ZFHX3: variants seen among roughly 807,000 people sequenced by gnomAD.
ZFHX3 encodes the protein zinc finger homeobox 3, also known as zinc finger homeobox protein 3.
A neutral mutation model predicts 279.1 loss-of-function variants in ZFHX3; 42 were observed. The ratio of observed to expected loss-of-function variants is 0.15; its 90% CI spans 0.12 to 0.19. ZFHX3 has a LOEUF of 0.19. Among genes scored for constraint, ZFHX3 ranks in the 10% least tolerant of loss-of-function variants. The pLI is 1.00. For missense variants in ZFHX3, 4,981 were observed against 4,754.0 expected, an observed-to-expected ratio of 1.05 and a Z score of -1.40; for synonymous variants, 2,293 against 1,957.8, an observed-to-expected ratio of 1.17 and a Z score of -4.52.
At chr16:73,514,215 C>G (rs891257910) in intron 2 of ZFHX3, among the ~76,000 whole-genome samples, 2 of 151,682 alleles carry the variant, frequency 1.3e-5, no homozygotes, top group African/African-American at 4.8e-5. Flanking sequence ...GCCCCTGCAC[C>G]CCAGCCTGGG....
chr16:73,685,234 T>C (rs973576543), intron 1 of ZFHX3, among the ~76,000 whole-genome samples: 1 of 151,654 alleles, frequency 6.6e-6, no homozygotes, highest in African/African-American at 2.4e-5. Flanking sequence ...GCCCAGATGG[T>C]CTTGATCTCC....
At chr16:73,180,810 G>C (rs565243785) in intron 5 of ZFHX3, among the ~76,000 whole-genome samples, 1 of 149,356 alleles carries the variant, frequency 6.7e-6, no homozygotes, top group African/African-American at 2.5e-5. Context: ...TTACAGGTGC[G>C]CACCACCACA....
intron 9 of ZFHX3, among the ~76,000 whole-genome samples, chr16:72,792,192 TTAAG>T (rs1299168321): frequency 3.9e-5 from 6 of 152,040 alleles, no homozygotes; most frequent in African/African-American, 1.4e-4. Context: ...AAACTCCCTA[TTAAG>T]TGAGACTATA....
intron 7 of ZFHX3, among the ~76,000 whole-genome samples, chr16:73,128,336 C>CA (rs547479690): frequency 3.5e-3 from 538 of 152,312 alleles, no homozygotes; most frequent in Non-Finnish European, 6.5e-3. Flanking sequence ...CAGGTGCAGG[C>CA]ACGGCAAAAG....
chr16:72,989,942 A>G (rs569019755), intron 1 of ZFHX3, among the ~76,000 whole-genome samples: 4 of 152,348 alleles, frequency 2.6e-5, no homozygotes, highest in African/African-American at 9.6e-5. Flanking sequence ...CCTCTGGCTC[A>G]GGAAAAGAGA....
intron 3 of ZFHX3, among the ~76,000 whole-genome samples, chr16:73,432,412 T>C (rs899438921): frequency 2.6e-5 from 4 of 152,136 alleles, no homozygotes; most frequent in African/African-American, 9.7e-5. Context: ...GGAGTGAGAC[T>C]CTTTGACAAA....
chr16:73,217,994 G>A, intron 5 of ZFHX3, among the ~76,000 whole-genome samples: 1 of 152,126 alleles, frequency 6.6e-6, no homozygotes, highest in East Asian at 1.9e-4. Flanking sequence ...CATTTCTAGA[G>A]TATAGAAGCT....
At chr16:73,007,120 G>A (rs894348222) in intron 1 of ZFHX3, among the ~76,000 whole-genome samples, 14 of 152,176 alleles carry the variant, frequency 9.2e-5, no homozygotes, top group African/African-American at 3.4e-4. Flanking sequence ...AAGACATTCT[G>A]ATATTAAGCC....
intron 1 of ZFHX3, among the ~76,000 whole-genome samples, chr16:72,987,098 G>C (rs1042601486): frequency 1.6e-4 from 24 of 152,290 alleles, no homozygotes; most frequent in African/African-American, 4.8e-4. Flanking sequence ...GCTGCAGTGA[G>C]TTGTGGGAGC....
intron 5 of ZFHX3, among the ~76,000 whole-genome samples, chr16:73,231,106 G>A (rs2012758291): frequency 6.6e-6 from 1 of 152,168 alleles, no homozygotes; most frequent in Non-Finnish European, 1.5e-5. Context: ...GACTGGGAGC[G>A]GGGACCACCA....
intron 4 of ZFHX3, among the ~76,000 whole-genome samples, chr16:73,280,224 C>T (rs57121759): frequency 0.14 from 21,184 of 151,990 alleles, 1,548 homozygotes; most frequent in East Asian, 0.21. Flanking sequence ...CCAAAAATAC[C>T]GGCAACAAAA....
intron 3 of ZFHX3, among the ~76,000 whole-genome samples, chr16:73,363,780 C>G (rs915101278): frequency 1.3e-5 from 2 of 152,102 alleles, no homozygotes; most frequent in African/African-American, 2.4e-5. Flanking sequence ...CAGGATACAA[C>G]AGATAAGGAA....
chr16:72,791,206 A>C (rs1344367708), intron 9 of ZFHX3: 2 of 152,222 alleles, frequency 1.3e-5, no homozygotes, highest in African/African-American at 4.8e-5. Context: ...GATGGTTATG[A>C]GGATTAAATG....
intron 2 of ZFHX3, among the ~76,000 whole-genome samples, chr16:73,464,826 C>T (rs1050774930): frequency 1.3e-5 from 2 of 152,216 alleles, no homozygotes; most frequent in Admixed American, 6.5e-5. Flanking sequence ...TTTATCGTTC[C>T]TTTGTCAAAT....
chr16:72,977,349 T>C (rs1962393614), intron 1 of ZFHX3, among the ~76,000 whole-genome samples: 1 of 152,174 alleles, frequency 6.6e-6, no homozygotes, highest in Non-Finnish European at 1.5e-5. Context: ...CTCACTGCAC[T>C]GCACAAGGAG....
At chr16:72,974,364 G>A (rs1349098570) in intron 1 of ZFHX3, among the ~76,000 whole-genome samples, 1 of 152,192 alleles carries the variant, frequency 6.6e-6, no homozygotes, top group East Asian at 1.9e-4. Flanking sequence ...TAAGGGTGAG[G>A]TGAGAGCTGG....
chr16:73,620,282 G>A (rs994079324), intron 2 of ZFHX3, among the ~76,000 whole-genome samples: 8 of 152,196 alleles, frequency 5.3e-5, no homozygotes, highest in African/African-American at 1.9e-4. Flanking sequence ...GTACACATGT[G>A]TTTCTCAGGT....
intron 5 of ZFHX3, among the ~76,000 whole-genome samples, chr16:73,246,257 T>A (rs2013276473): frequency 6.6e-6 from 1 of 152,080 alleles, no homozygotes; most frequent in Admixed American, 6.5e-5. Flanking sequence ...ACACCAAGCA[T>A]GGCTGGCAGC....
chr16:72,985,173 A>G (rs1885034821), intron 1 of ZFHX3, among the ~76,000 whole-genome samples: 1 of 152,106 alleles, frequency 6.6e-6, no homozygotes, highest in South Asian at 2.1e-4. Flanking sequence ...GCTCTCCTAA[A>G]CTGTCCTTGT....
Sources: gnomAD v4.1 joint callset for allele counts (sites outside exome capture counted in the v4.1 genomes callset) on GRCh38, gnomAD v4.1.1 for gene constraint, MANE v1.5 for transcripts, NCBI Gene and HGNC (gene_info 2026-07-23, HGNC 2026-07-21) for gene names.